The following CTNNAL1 variants were observed in gnomAD, a reference collection of about 807,000 sequenced individuals.
CTNNAL1 encodes alpha-catulin.
Under a neutral mutation model 93.6 loss-of-function variants are expected in CTNNAL1, and 69 were observed. The observed-to-expected ratio is 0.74, with a 90% CI of 0.61 to 0.90. The LOEUF (loss-of-function observed/expected upper bound fraction) is 0.90, where lower values mean the gene tolerates loss of function less well. Ranked by LOEUF, CTNNAL1 falls within the 40% of genes least tolerant of loss-of-function variation. The pLI, the probability that CTNNAL1 is intolerant of heterozygous loss-of-function variation, is 0.00. For missense variants in CTNNAL1, 836 were observed against 862.0 expected, an observed-to-expected ratio of 0.97 and a Z score of 0.38; for synonymous variants, 286 against 305.4, an observed-to-expected ratio of 0.94 and a Z score of 0.66.
rs1830318693 is a variant in CTNNAL1, at chr9:108,943,817, C to G, written c.1942-1G>C. ...GCATAAGCTTGTCATCGTCTTTCAGCTGAAATGTAATTTAACAAGTTATAA... is the reference window on the plus strand; with the variant it reads ...GCATAAGCTTGTCATCGTCTTTCAGGTGAAATGTAATTTAACAAGTTATAA... On this transcript the variant is annotated splice_acceptor_variant, in intron 16 of 18. Transcript: ENST00000325551. LOFTEE classifies it high-confidence loss of function. 1 of 1,612,488 alleles carries G rather than the reference C, an allele frequency of 6.2e-7. No homozygotes were observed.
intron 5 of CTNNAL1, 89 bp from the exon 6 acceptor site, chr9:108,983,404 A>C (rs1366894860): frequency 4.7e-6 from 6 of 1,286,730 alleles, no homozygotes; most frequent in Admixed American, 3.9e-5. Flanking sequence ...TGCTAAGAAA[A>C]ATGGTTCTTT....
At chr9:109,010,872 C>T (rs1329989675) in intron 1 of CTNNAL1, among the ~76,000 whole-genome samples, 2 of 152,208 alleles carry the variant, frequency 1.3e-5, no homozygotes, top group Non-Finnish European at 2.9e-5. Flanking sequence ...GCTGACTCAT[C>T]CATGCCTTCT....
At chr9:108,981,479 A>G (rs1038719586) in intron 6 of CTNNAL1, among the ~76,000 whole-genome samples, 8 of 137,214 alleles carry the variant, frequency 5.8e-5, no homozygotes, top group Non-Finnish European at 1.1e-4. Context: ...AAAAAAGACA[A>G]AAAACAAAAA....
chr9:108,996,989 A>C (rs575628013), intron 2 of CTNNAL1, among the ~76,000 whole-genome samples: 1 of 152,306 alleles, frequency 6.6e-6, no homozygotes, highest in South Asian at 2.1e-4. Flanking sequence ...TAAAATAATA[A>C]TGTTTGCCAA....
At chr9:108,982,495 T>A (rs1831463051) in intron 6 of CTNNAL1, among the ~76,000 whole-genome samples, 1 of 152,108 alleles carries the variant, frequency 6.6e-6, no homozygotes, top group Non-Finnish European at 1.5e-5. Flanking sequence ...CTCACCATCA[T>A]CCTATGGATG....
In CTNNAL1 at chr9:108,992,661, T is replaced by G. The variant is rs551599292; in HGVS notation, c.490A>C (p.Ile164Leu). ...TTTCTTGATGTTATTATCTGTTTAA[T>G]GACTACTCGGTCTGCCAGCAACAAC... is the stretch of plus-strand genomic sequence containing the variant. Reference protein sequence around the residue: ...KVLLLADRVVIKQIITSRNKV... With the variant: ...KVLLLADRVVLKQIITSRNKV... Residue 164 changes from isoleucine to leucine, a missense_variant, in exon 3 of 19, where the codon ATT (isoleucine) becomes CTT (leucine). Transcript: ENST00000325551. 6.2e-7 allele frequency: 1 copy of G among 1,613,326 alleles called. No homozygotes were observed. Among genetic ancestry groups the G allele is most frequent in the South Asian group, 1.1e-5 (1 of 90,886 alleles).
At chr9:108,955,711 G>T (rs1830671351) in intron 12 of CTNNAL1, 79 bp downstream of exon 12, 1 of 1,212,408 alleles carries the variant, frequency 8.2e-7, no homozygotes, top group Non-Finnish European at 1.2e-6. Context: ...GTGGTAGAGG[G>T]GAGCAGCAAC....
At chr9:108,942,903 C>T in intron 18 of CTNNAL1, 58 bp downstream of exon 18, 4 of 1,608,548 alleles carry the variant, frequency 2.5e-6, no homozygotes, top group Non-Finnish European at 3.4e-6. Flanking sequence ...TAAGTAGTAA[C>T]TATTTTCTTT....
At chr9:108,945,130 G>T (rs1225238953) in intron 15 of CTNNAL1, among the ~76,000 whole-genome samples, 1 of 152,142 alleles carries the variant, frequency 6.6e-6, no homozygotes, top group African/African-American at 2.4e-5. Context: ...GTAACTCCCA[G>T]GTCTCTCTCT....
intron 4 of CTNNAL1, among the ~76,000 whole-genome samples, chr9:108,988,030 T>C (rs1831670423): frequency 6.6e-6 from 1 of 152,222 alleles, no homozygotes; most frequent in South Asian, 2.1e-4. Flanking sequence ...TTCCTTCTCC[T>C]GCCTAATTGC....
intron 6 of CTNNAL1, among the ~76,000 whole-genome samples, chr9:108,981,738 A>T (rs1831435537): frequency 6.6e-6 from 1 of 152,020 alleles, no homozygotes; most frequent in South Asian, 2.1e-4. Flanking sequence ...CAGCCTGGCC[A>T]ACATGGCAAA....
At chr9:109,011,638 G>A (rs1346550669) in intron 1 of CTNNAL1, among the ~76,000 whole-genome samples, 3 of 152,196 alleles carry the variant, frequency 2.0e-5, no homozygotes, top group Admixed American at 2.0e-4. Context: ...AATCTCTAGA[G>A]AGGACACAGC....
chr9:108,943,880 A>T (rs1564117806), intron 16 of CTNNAL1, 64 bp from the exon 17 acceptor site: 3 of 1,597,594 alleles, frequency 1.9e-6, no homozygotes, highest in Non-Finnish European at 2.6e-6. Context: ...TACCTTAAAC[A>T]CATTTATACA....
At chr9:109,010,913 T>C (rs1227240558) in intron 1 of CTNNAL1, among the ~76,000 whole-genome samples, 1 of 152,238 alleles carries the variant, frequency 6.6e-6, no homozygotes, top group Non-Finnish European at 1.5e-5. Context: ...CCATTGATGA[T>C]GTTCATTTGA....
Position 108,983,127 on chromosome 9 carries a change from T to A in CTNNAL1, c.900+18A>T, listed in dbSNP as rs1004426240. On this transcript the variant is annotated intron_variant, in intron 6 of 18. Transcript: ENST00000325551. Reference sequence around the variant, plus strand: ...AAATAAGAAGAGAAAAATAAAAATATACTCTCTTTATTCTTACCTTGAATT... The same window carrying A: ...AAATAAGAAGAGAAAAATAAAAATAAACTCTCTTTATTCTTACCTTGAATT... The A allele has an allele frequency of 1.4e-6, 2 of 1,407,310 alleles. No individual in the cohort carries two copies. The highest frequency in any genetic ancestry group is 2.8e-5 in the Admixed American group (1 of 35,990). The allele number at this position is 1,407,310 out of a possible 1,614,324, so 87.2% of individuals were successfully genotyped here. A position where few individuals can be genotyped will look rare whatever the true frequency, so the allele number is the denominator to read the frequency against.
intron 11 of CTNNAL1, among the ~76,000 whole-genome samples, chr9:108,961,071 ATACT>A (rs34671856): frequency 0.23 from 35,278 of 152,046 alleles, 4,281 homozygotes; most frequent in South Asian, 0.39. Flanking sequence ...TGGTTGAATG[ATACT>A]TACAAGTATG....
At chr9:108,997,008 GTTTA>G (rs537388807) in intron 2 of CTNNAL1, among the ~76,000 whole-genome samples, 227 of 152,140 alleles carry the variant, frequency 1.5e-3, no homozygotes, top group Non-Finnish European at 2.6e-3. Flanking sequence ...AAAGTTTCTG[GTTTA>G]TTTATTTTCA....
At chr9:109,008,657 G>T (rs552978842) in intron 1 of CTNNAL1, among the ~76,000 whole-genome samples, 2 of 152,208 alleles carry the variant, frequency 1.3e-5, no homozygotes, top group Admixed American at 1.3e-4. Flanking sequence ...GTAGTTCATT[G>T]AGTTCTAATG....
At chr9:108,980,518 T>C (rs147269457) in intron 6 of CTNNAL1, among the ~76,000 whole-genome samples, 1 of 152,312 alleles carries the variant, frequency 6.6e-6, no homozygotes, top group Non-Finnish European at 1.5e-5. Context: ...CATTTTAACA[T>C]CATCCATGAA....
Sources: allele counts gnomAD v4.1 joint callset (sites outside exome capture counted in the v4.1 genomes callset), GRCh38; gene constraint gnomAD v4.1.1; transcripts MANE v1.5; gene names NCBI Gene and HGNC (gene_info 2026-07-23, HGNC 2026-07-21).